The following PISD variants were observed in gnomAD, a reference collection of about 807,000 sequenced individuals.
PISD encodes the protein phosphatidylserine decarboxylase proenzyme, mitochondrial.
PISD carries 31 observed loss-of-function variants against 43.5 expected under a neutral mutation model. That is an observed-to-expected ratio of 0.71 (90% CI 0.54 to 0.96). The LOEUF is 0.96. PISD is among the 40% of genes least tolerant of loss of function. The pLI is 0.00. For synonymous variants in PISD, 259 were observed against 228.7 expected (o/e 1.13, Z -1.20); for missense variants, 523 against 548.4 (o/e 0.95, Z 0.46).
chr22:31,637,142 T>A (rs1387410944), intron 3 of PISD, among the ~76,000 whole-genome samples: 4 of 12,396 alleles, frequency 3.2e-4, no homozygotes, highest in African/African-American at 1.0e-3. Flanking sequence ...AATAAATAAA[T>A]TAAAAAAAAA....
rs1235622320 is a variant in PISD at position 31,637,147 on chromosome 22, A to T, written c.321+10954T>A. ...AAAAAATAATAATAAATAAATTAAA[A>T]AAAAAAAAAAAAAAAAAATATATAT... On this transcript the variant is annotated intron_variant, in intron 3 of 7. Coordinates refer to ENST00000439502, the MANE Select transcript of PISD (RefSeq NM_001326411.2). 2.3e-3 allele frequency among the ~76,000 whole-genome samples: 36 copies of T among 15,908 alleles called. 1 individual carries two copies. Among genetic ancestry groups the T allele is most frequent in the Non-Finnish European group, 3.3e-3 (29 of 8,794 alleles). 10.4% of individuals were successfully genotyped at this position (15,908 alleles called of 152,430 possible).
chr22:31,632,277 C>T (rs1216016876), intron 3 of PISD: 1 of 982,054 alleles, frequency 1.0e-6, no homozygotes, highest in Non-Finnish European at 1.2e-6. Flanking sequence ...CATGGATTTC[C>T]ATGTTCTTCC....
intron 3 of PISD, among the ~76,000 whole-genome samples, chr22:31,640,585 T>TG (rs1243386470): frequency 2.2e-5 from 3 of 137,768 alleles, no homozygotes; most frequent in South Asian, 2.5e-4. Flanking sequence ...GTTTTTTTTT[T>TG]TTTTTTTTTT....
At chr22:31,637,776 G>A (rs1253331345) in intron 3 of PISD, among the ~76,000 whole-genome samples, 2 of 152,222 alleles carry the variant, frequency 1.3e-5, no homozygotes, top group Non-Finnish European at 2.9e-5. Flanking sequence ...TTCTGAAGAA[G>A]CAAGTGTCCC....
upstream of PISD, chr22:31,662,290 G>A: frequency 1.4e-6 from 2 of 1,395,890 alleles, no homozygotes; most frequent in Non-Finnish European, 2.0e-6. Flanking sequence ...CGAGTTCAGT[G>A]GGCCAATGAG....
intron 3 of PISD, among the ~76,000 whole-genome samples, chr22:31,633,752 A>T (rs568760353): frequency 9.2e-5 from 14 of 152,080 alleles, no homozygotes; most frequent in Non-Finnish European, 1.6e-4. Flanking sequence ...AACGAAACCC[A>T]TAAACCAGCC....
At chr22:31,626,071 GCTT>G in intron 3 of PISD, 1 of 1,406,478 alleles carries the variant, frequency 7.1e-7, no homozygotes. Context: ...CCTGCTCAGG[GCTT>G]GCAGTCCAGT....
intron 3 of PISD, among the ~76,000 whole-genome samples, chr22:31,626,882 C>T (rs1479879964): frequency 6.6e-6 from 1 of 152,238 alleles, no homozygotes; most frequent in Non-Finnish European, 1.5e-5. Flanking sequence ...CCAGCCACTG[C>T]CCAGGAAGGG....
At chr22:31,633,913 A>G (rs184903270) in intron 3 of PISD, among the ~76,000 whole-genome samples, 22 of 152,300 alleles carry the variant, frequency 1.4e-4, no homozygotes, top group Non-Finnish European at 2.4e-4. Context: ...TTACTTTCCT[A>G]CCTTGTATTT....
rs777153659 is a variant in PISD at position 31,662,211 on chromosome 22, T to C, written c.-3A>G. 10 of 1,603,248 alleles carry C rather than the reference T, an allele frequency of 6.2e-6. No homozygotes were observed. Among genetic ancestry groups the C allele is most frequent in the Admixed American group, 5.0e-5 (3 of 60,020 alleles). ...CGGTGCCCCACGGACGTCGCCATCT[T>C]GTCTGCTCCTTCTCAGCGTGCCACG... On this transcript the variant is annotated 5_prime_UTR_variant, in exon 1 of 8. Coordinates refer to ENST00000439502, the MANE Select transcript of PISD (RefSeq NM_001326411.2).
In PISD at chr22:31,620,480, C is replaced by T. The variant is rs1044585576; in HGVS notation, c.1005+73G>A. The T allele has an allele frequency of 5.6e-5, 83 of 1,479,168 alleles. No individual in the cohort carries two copies. The Admixed American group carries it at 1.1e-3, about 20-fold the overall frequency. The allele number at this position is 1,479,168 out of a possible 1,614,324, so 91.6% of individuals were successfully genotyped here. Reference sequence around the variant, plus strand: ...TAGAATTCAGTCCCAACGCATCCGCCGCACAGCAGACAAGGCAGGTAGACC... The same window carrying T: ...TAGAATTCAGTCCCAACGCATCCGCTGCACAGCAGACAAGGCAGGTAGACC... On this transcript the variant is annotated intron_variant, in intron 7 of 7. Transcript: ENST00000439502.
chr22:31,638,420 G>C (rs1242655954), intron 3 of PISD: 1 of 985,432 alleles, frequency 1.0e-6, no homozygotes, highest in Non-Finnish European at 1.2e-6. Flanking sequence ...TGGGTCTGTG[G>C]AGGGGCGAGG....
intron 3 of PISD, among the ~76,000 whole-genome samples, chr22:31,643,903 C>T (rs1307258518): frequency 1.3e-5 from 2 of 152,068 alleles, no homozygotes; most frequent in Non-Finnish European, 1.5e-5. Context: ...AAAAAATTAG[C>T]CAGGCCTGGT....
At chr22:31,662,349 C>T (rs576757715), upstream of PISD, 1 of 816,236 alleles carries the variant, frequency 1.2e-6, no homozygotes, top group Non-Finnish European at 2.1e-6. Context: ...CCTGTGGCTA[C>T]TCCCCACCTA....
Position 31,633,365 on chromosome 22 carries a change from C to T in PISD, c.322-11480G>A, listed in dbSNP as rs111697884. Among the ~76,000 whole-genome samples the T allele has an allele frequency of 2.0e-5, 3 of 152,348 alleles. 1 individual carries two copies. The South Asian group carries it at 6.2e-4, about 32-fold the overall frequency. ...TGGAATGGCCAGCTCGGCTGCACTG[C>T]ATCCACTGGCATTGCTTTTTAGCCA... On this transcript the variant is annotated intron_variant, in intron 3 of 7. Transcript: ENST00000439502.
intron 1 of PISD, among the ~76,000 whole-genome samples, chr22:31,656,613 A>G (rs9621307): frequency 0.11 from 17,101 of 151,858 alleles, 1,128 homozygotes; most frequent in African/African-American, 0.18. Context: ...CGCACACTGC[A>G]CTCCAGCCTG....
intron 3 of PISD, among the ~76,000 whole-genome samples, chr22:31,640,693 AC>A (rs1325009836): frequency 7.9e-6 from 1 of 126,908 alleles, no homozygotes; most frequent in Non-Finnish European, 1.6e-5. Flanking sequence ...CAATTCTCCC[AC>A]CTCAGCCTCC....
At position 31,621,380 on chromosome 22, in the gene PISD, C is replaced by T. The variant is rs1393280093; in HGVS notation, c.651G>A (p.Ser217=). The change falls in exon 5 of 8, where the codon TCG becomes TCA. Residue 217 remains serine (S), a synonymous_variant. Transcript: ENST00000439502. ...QVKGVTYSLE[S]FLGPRMCTED... ...CTGTGCACATACGCGGGCCCAGGAA[C>T]GACTCCAGGGAGTAGGTGACCCCCT... 22 of 1,613,976 alleles carry T rather than the reference C, an allele frequency of 1.4e-5. No homozygotes were observed. Among genetic ancestry groups the T allele is most frequent in the Admixed American group, 3.3e-5 (2 of 60,004 alleles).
chr22:31,623,500 G>A (rs2072696737), intron 3 of PISD, among the ~76,000 whole-genome samples: 1 of 152,220 alleles, frequency 6.6e-6, no homozygotes, highest in African/African-American at 2.4e-5. Flanking sequence ...CGCGGCCCAG[G>A]TAGTGGCCTT....
Sources: gnomAD v4.1 joint callset for allele counts (sites outside exome capture counted in the v4.1 genomes callset) on GRCh38, gnomAD v4.1.1 for gene constraint, MANE v1.5 for transcripts, NCBI Gene and HGNC (gene_info 2026-07-23, HGNC 2026-07-21) for gene names.